EPM2A: variants seen among roughly 807,000 people sequenced by gnomAD.
EPM2A encodes the protein laforin.
In EPM2A, 21 loss-of-function variants were observed where a neutral mutation model predicts 26.5. That is an observed-to-expected ratio of 0.79 (90% CI 0.56 to 1.14). The LOEUF (loss-of-function observed/expected upper bound fraction) is 1.14. EPM2A is among the 50% of genes most tolerant of loss of function. EPM2A has a pLI of 0.00. For synonymous variants in EPM2A, 217 were observed against 177.6 expected (o/e 1.22, Z -1.76); for missense variants, 458 against 440.8 (o/e 1.04, Z -0.35).
intron 2 of EPM2A, among the ~76,000 whole-genome samples, chr6:145,560,017 A>G (rs1401861732): frequency 2.6e-5 from 4 of 152,116 alleles, no homozygotes; most frequent in Non-Finnish European, 5.9e-5. Flanking sequence ...TAATAACAGG[A>G]AGGCAAGTTC....
chr6:145,722,843 G>A, intron 1 of EPM2A: 2 of 421,822 alleles, frequency 4.7e-6, no homozygotes, highest in South Asian at 3.4e-5. Context: ...TTAAGAGGCA[G>A]GGAGAAGATA....
At chr6:145,513,692 A>T (rs1780086449) in intron 2 of EPM2A, among the ~76,000 whole-genome samples, 2 of 152,242 alleles carry the variant, frequency 1.3e-5, no homozygotes, top group South Asian at 4.1e-4. Flanking sequence ...AATATTGATT[A>T]TTCATGACAT....
At chr6:145,396,084 G>A (rs769143765) in intron 4 of EPM2A, among the ~76,000 whole-genome samples, 1 of 152,140 alleles carries the variant, frequency 6.6e-6, no homozygotes, top group Non-Finnish European at 1.5e-5. Flanking sequence ...TGTTAAGAAC[G>A]AAGACTTTGT....
In EPM2A at chr6:145,689,654, GATA is replaced by G. The variant is rs533064226; in HGVS notation, c.302-3361_302-3359del. ...AGCCTAGCCAGACAGAAATCTGTTT[GATA>G]ATAACTACACTACTCCAGTCAAACC... On this transcript the variant is annotated intron_variant, in intron 1 of 3. Transcript: ENST00000367519. Among the ~76,000 whole-genome samples the G allele has an allele frequency of 1.5e-4, 23 of 152,332 alleles. No individual in the cohort carries two copies. The South Asian group carries it at 4.8e-3, about 32-fold the overall frequency.
At chr6:145,637,371 C>T (rs903258468) in intron 2 of EPM2A, 1 of 152,036 alleles carries the variant, frequency 6.6e-6, no homozygotes, top group African/African-American at 2.4e-5. Context: ...AACTAATCCT[C>T]TAATGTGGTC....
At chr6:145,394,742 T>C (rs1179226286) in intron 4 of EPM2A, among the ~76,000 whole-genome samples, 1 of 152,164 alleles carries the variant, frequency 6.6e-6, no homozygotes, top group Non-Finnish European at 1.5e-5. Flanking sequence ...TGGGTCTCTG[T>C]CGTGCCTTTT....
At chr6:145,616,629 C>T (rs896875561) in intron 2 of EPM2A, among the ~76,000 whole-genome samples, 34 of 152,226 alleles carry the variant, frequency 2.2e-4, no homozygotes, top group Non-Finnish European at 1.6e-4. Context: ...ATGAAAGCAG[C>T]CAGCAGGGGG....
At chr6:145,629,322 A>C (rs2128557404) in intron 3 of EPM2A, 1 of 152,346 alleles carries the variant, frequency 6.6e-6, no homozygotes, top group Non-Finnish European at 1.5e-5. Context: ...CTGAACCATG[A>C]ACTTTAACCC....
chr6:145,526,546 G>C (rs751635794), intron 2 of EPM2A, among the ~76,000 whole-genome samples: 4 of 151,788 alleles, frequency 2.6e-5, no homozygotes, highest in Non-Finnish European at 4.4e-5. Context: ...CTGGGAATTT[G>C]CCATTTCTTC....
At chr6:145,657,456 T>G (rs1482142595) in intron 2 of EPM2A, among the ~76,000 whole-genome samples, 1 of 152,200 alleles carries the variant, frequency 6.6e-6, no homozygotes, top group Non-Finnish European at 1.5e-5. Flanking sequence ...TTTAAAAATT[T>G]TTTTACAAAG....
intron 2 of EPM2A, among the ~76,000 whole-genome samples, chr6:145,505,584 T>G (rs1457618190): frequency 6.6e-6 from 1 of 152,152 alleles, no homozygotes; most frequent in African/African-American, 2.4e-5. Context: ...ATTTCACTGG[T>G]TGTCCCAGTA....
At chr6:145,704,458 T>A (rs1015402596) in intron 1 of EPM2A, among the ~76,000 whole-genome samples, 4 of 152,234 alleles carry the variant, frequency 2.6e-5, no homozygotes, top group Admixed American at 6.5e-5. Context: ...TTTGGAATAA[T>A]AGAGTTTAAT....
chr6:145,664,016 G>A lies in EPM2A; in HGVS notation c.476+22106C>T, dbSNP rs1396302542. On this transcript the variant is annotated intron_variant, in intron 2 of 3. Coordinates refer to ENST00000367519, the MANE Select transcript of EPM2A (RefSeq NM_005670.4). ...CCCTAAAAGAGCTCCTGAAGGAAGC[G>A]CTAAACATCGAAAGGAAAAACCGGT... 6.1e-5 allele frequency among the ~76,000 whole-genome samples: 5 copies of A among 82,078 alleles called. 1 individual carries two copies. Among genetic ancestry groups the A allele is most frequent in the Admixed American group, 1.6e-4 (1 of 6,422 alleles). The allele number at this position is 82,078 out of a possible 152,430, so 53.8% of individuals were successfully genotyped here.
intron 4 of EPM2A, among the ~76,000 whole-genome samples, chr6:145,429,635 T>C (rs533067484): frequency 1.3e-5 from 2 of 152,284 alleles, no homozygotes; most frequent in East Asian, 3.9e-4. Flanking sequence ...ATTGCCAAAA[T>C]AATGCAAATT....
intron 2 of EPM2A, among the ~76,000 whole-genome samples, chr6:145,676,869 A>T (rs889704573): frequency 7.2e-5 from 11 of 152,166 alleles, no homozygotes; most frequent in African/African-American, 2.7e-4. Flanking sequence ...AGCTGGTATC[A>T]TTCCTTCTGA....
chr6:145,655,175 GA>G (rs1338982010), intron 2 of EPM2A, among the ~76,000 whole-genome samples: 2 of 132,272 alleles, frequency 1.5e-5, no homozygotes, highest in East Asian at 4.6e-4. Context: ...CAAACAGTGT[GA>G]TTTTGCTGTG....
At chr6:145,562,933 A>C (rs1175349224) in intron 2 of EPM2A, among the ~76,000 whole-genome samples, 2 of 151,272 alleles carry the variant, frequency 1.3e-5, no homozygotes, top group Non-Finnish European at 2.9e-5. Context: ...TGCTTGCACC[A>C]TAGAAGGTGA....
intron 2 of EPM2A, among the ~76,000 whole-genome samples, chr6:145,615,299 C>G (rs1023913868): frequency 6.6e-6 from 1 of 152,100 alleles, no homozygotes; most frequent in African/African-American, 2.4e-5. Context: ...ATTTTCTCTC[C>G]ATAAACCCTC....
chr6:145,689,663 T>C (rs1781149883), intron 1 of EPM2A, among the ~76,000 whole-genome samples: 2 of 152,206 alleles, frequency 1.3e-5, no homozygotes, highest in Admixed American at 1.3e-4. Flanking sequence ...TGATAATAAC[T>C]ACACTACTCC....
Sources: gnomAD v4.1 joint callset for allele counts (sites outside exome capture counted in the v4.1 genomes callset) on GRCh38, gnomAD v4.1.1 for gene constraint, MANE v1.5 for transcripts, NCBI Gene and HGNC (gene_info 2026-07-23, HGNC 2026-07-21) for gene names.